The following CACNA1C variants were observed in gnomAD, a reference collection of about 807,000 sequenced individuals.
CACNA1C encodes the protein calcium voltage-gated channel subunit alpha1 C, also known as voltage-dependent L-type calcium channel subunit alpha-1C.
CACNA1C carries 30 observed loss-of-function variants against 229.0 expected under a neutral mutation model. The observed-to-expected ratio is 0.13, with a 90% CI of 0.10 to 0.18. CACNA1C has a LOEUF of 0.18. CACNA1C is among the 10% of genes least tolerant of loss of function. The pLI, the probability that CACNA1C is intolerant of heterozygous loss-of-function variation, is 1.00. For synonymous variants in CACNA1C, 1,114 were observed against 1,132.5 expected (o/e 0.98, Z 0.33); for missense variants, 1,658 against 2,845.0 (o/e 0.58, Z 9.49).
At chr12:2,178,747 A>G (rs2096743173) in intron 3 of CACNA1C, among the ~76,000 whole-genome samples, 1 of 152,162 alleles carries the variant, frequency 6.6e-6, no homozygotes, top group Admixed American at 6.5e-5. Context: ...CCCCGTACAA[A>G]TTCACAGACC....
intron 9 of CACNA1C, among the ~76,000 whole-genome samples, chr12:2,540,910 C>T (rs191203532): frequency 3.3e-5 from 5 of 152,312 alleles, no homozygotes; most frequent in Admixed American, 6.5e-5. Flanking sequence ...CTGATTTTAT[C>T]AGTCTAGAGG....
chr12:1,981,986 G>C (rs969770335), intron 1 of CACNA1C, among the ~76,000 whole-genome samples: 1 of 152,144 alleles, frequency 6.6e-6, no homozygotes, highest in African/African-American at 2.4e-5. Flanking sequence ...GATCTGAAAG[G>C]GTAACTGACC....
chr12:2,696,992 C>T lies in CACNA1C; in HGVS notation c.*5793C>T, dbSNP rs1367016319. 6.6e-6 allele frequency: 1 copy of T among 152,370 alleles called. No individual in the cohort carries two copies. Among genetic ancestry groups the T allele is most frequent in the Non-Finnish European group, 1.5e-5 (1 of 68,188 alleles). The allele number at this position is 152,370 out of a possible 1,614,324, so 9.4% of individuals were successfully genotyped here. On this transcript the variant is annotated 3_prime_UTR_variant, in exon 47 of 47. Coordinates refer to ENST00000399655, the MANE Select transcript of CACNA1C (RefSeq NM_000719.7). ...CCCAAGACTTCCCAATATGGAGAAA[C>T]TACACCAATGTTTAAAAGGGGAAAA...
chr12:2,174,624 T>C (rs2096591213), intron 3 of CACNA1C, among the ~76,000 whole-genome samples: 1 of 152,144 alleles, frequency 6.6e-6, no homozygotes, highest in Admixed American at 6.5e-5. Flanking sequence ...TAAGTACAGT[T>C]TACCCTTGAA....
intron 1 of CACNA1C, among the ~76,000 whole-genome samples, chr12:2,041,281 T>TG (rs1194298879): frequency 8.1e-6 from 1 of 123,572 alleles, no homozygotes; most frequent in Non-Finnish European, 1.8e-5. Flanking sequence ...TTTTTTTTTT[T>TG]TTTTTTTTTT....
intron 4 of CACNA1C, among the ~76,000 whole-genome samples, chr12:2,450,809 G>A (rs1272983707): frequency 6.6e-6 from 1 of 152,064 alleles, no homozygotes; most frequent in Non-Finnish European, 1.5e-5. Context: ...GCCTATTTTT[G>A]GAGGATCCTT....
At chr12:2,490,405 T>C (rs985422592) in intron 6 of CACNA1C, among the ~76,000 whole-genome samples, 1 of 152,238 alleles carries the variant, frequency 6.6e-6, no homozygotes, top group Non-Finnish European at 1.5e-5. Context: ...TTCATCTTTA[T>C]TCTGCGAAAA....
intron 3 of CACNA1C, among the ~76,000 whole-genome samples, chr12:2,269,214 G>A (rs753657688): frequency 1.8e-4 from 27 of 152,226 alleles, no homozygotes; most frequent in Non-Finnish European, 3.4e-4. Flanking sequence ...GAGTCCGGGA[G>A]GGAATGCTCA....
rs183919933 is a variant in CACNA1C at position 2,433,959 on chromosome 12, A to T, written c.478-15017A>T. ...GCAAGCAATAATAGTGGTGATTTTT[A>T]AAAAAAGTTCCCTTTCCAGATTTTT... On this transcript the variant is annotated intron_variant, in intron 3 of 46. Transcript: ENST00000399655. Among the ~76,000 whole-genome samples, 1,025 of 152,238 alleles carry T rather than the reference A, an allele frequency of 6.7e-3. 6 individuals are homozygous for T. The highest frequency in any genetic ancestry group is 8.5e-3 in the African/African-American group (355 of 41,558).
chr12:2,328,577 A>G (rs971083697), intron 3 of CACNA1C, among the ~76,000 whole-genome samples: 1 of 152,188 alleles, frequency 6.6e-6, no homozygotes, highest in African/African-American at 2.4e-5. Context: ...TTAGTGAATT[A>G]TCACTCTTCA....
chr12:2,600,725 T>A (rs933231809), intron 21 of CACNA1C, among the ~76,000 whole-genome samples: 1 of 152,190 alleles, frequency 6.6e-6, no homozygotes, highest in Non-Finnish European at 1.5e-5. Context: ...ATCTTGTGTG[T>A]TCTCTTTTTA....
upstream of CACNA1C, among the ~76,000 whole-genome samples, chr12:2,051,659 G>A (rs58619945): frequency 0.077 from 11,681 of 152,190 alleles, 1,035 homozygotes; most frequent in East Asian, 0.47. Context: ...TGGACTAGAC[G>A]TGGAATGATG....
intron 3 of CACNA1C, among the ~76,000 whole-genome samples, chr12:2,437,658 A>T (rs1000092208): frequency 1.3e-5 from 2 of 151,908 alleles, no homozygotes; most frequent in Non-Finnish European, 2.9e-5. Flanking sequence ...GGGGAGGTGG[A>T]AATGGTGGTA....
At chr12:2,480,548 A>G (rs1175761274) in intron 5 of CACNA1C, among the ~76,000 whole-genome samples, 1 of 152,232 alleles carries the variant, frequency 6.6e-6, no homozygotes, top group Non-Finnish European at 1.5e-5. Flanking sequence ...GCACGCAAGC[A>G]TGGCTCATGG....
At chr12:2,093,912 A>G (rs1461239562) in intron 1 of CACNA1C, among the ~76,000 whole-genome samples, 1 of 152,160 alleles carries the variant, frequency 6.6e-6, no homozygotes. Flanking sequence ...CTGAAAGGAC[A>G]TTTTTCTTCA....
At chr12:2,171,469 G>A (rs1209816694) in intron 3 of CACNA1C, among the ~76,000 whole-genome samples, 7 of 152,186 alleles carry the variant, frequency 4.6e-5, no homozygotes, top group Non-Finnish European at 1.0e-4. Flanking sequence ...TGGTGGAAAA[G>A]CTCACAGACG....
At chr12:2,218,902 T>C (rs1026740287) in intron 3 of CACNA1C, among the ~76,000 whole-genome samples, 25 of 152,138 alleles carry the variant, frequency 1.6e-4, no homozygotes, top group African/African-American at 1.4e-4. Context: ...ACTGTATGCG[T>C]TGAATCTGTC....
intron 3 of CACNA1C, among the ~76,000 whole-genome samples, chr12:2,427,577 G>A (rs987198713): frequency 4.6e-5 from 7 of 152,064 alleles, no homozygotes; most frequent in Non-Finnish European, 7.4e-5. Context: ...CAGCTGGGCC[G>A]AGAATGGCTA....
chr12:2,284,002 T>A (rs1245884320), intron 3 of CACNA1C, among the ~76,000 whole-genome samples: 9 of 152,144 alleles, frequency 5.9e-5, no homozygotes, highest in Admixed American at 4.6e-4. Context: ...CCTTGTCCAC[T>A]GAAAACAAAA....
Sources: gnomAD v4.1 joint callset for allele counts (sites outside exome capture counted in the v4.1 genomes callset) on GRCh38, gnomAD v4.1.1 for gene constraint, MANE v1.5 for transcripts, NCBI Gene and HGNC (gene_info 2026-07-23, HGNC 2026-07-21) for gene names.